The following ANO10 variants were observed in gnomAD, a reference collection of about 807,000 sequenced individuals.
ANO10 encodes the protein anoctamin 10.
A neutral mutation model predicts 74.7 loss-of-function variants in ANO10; 77 were observed. That is an observed-to-expected ratio of 1.03 (90% CI 0.86 to 1.25). The LOEUF (loss-of-function observed/expected upper bound fraction) is 1.25, where lower values mean the gene tolerates loss of function less well. Ranked by LOEUF, ANO10 falls within the 50% of genes most tolerant of loss-of-function variation. The pLI, the probability that ANO10 is intolerant of heterozygous loss-of-function variation, is 0.00. For missense variants in ANO10, 721 were observed against 778.1 expected (o/e 0.93, Z 0.87); for synonymous variants, 279 against 284.9 (o/e 0.98, Z 0.21).
intron 12 of ANO10, among the ~76,000 whole-genome samples, chr3:43,424,113 T>C (rs1021677399): frequency 2.0e-5 from 3 of 152,220 alleles, no homozygotes; most frequent in Non-Finnish European, 2.9e-5. Context: ...AGCCTCATTC[T>C]GACTTTGCCC....
intron 7 of ANO10, among the ~76,000 whole-genome samples, chr3:43,570,173 G>A (rs1224577484): frequency 7.4e-6 from 1 of 135,086 alleles, no homozygotes; most frequent in African/African-American, 2.8e-5. Flanking sequence ...ACTGCTCAAG[G>A]AAATAAAAGA....
At chr3:43,574,973 C>T (rs770228720) in intron 6 of ANO10, 109 bp from the exon 7 acceptor site, 12 of 839,146 alleles carry the variant, frequency 1.4e-5, no homozygotes, top group Non-Finnish European at 2.4e-5. Flanking sequence ...ACATCAGAGC[C>T]TCAGTCAGTA....
intron 1 of ANO10, among the ~76,000 whole-genome samples, chr3:43,642,772 C>T (rs988719924): frequency 2.0e-5 from 3 of 152,136 alleles, no homozygotes; most frequent in South Asian, 4.1e-4. Context: ...CCCCCTTACA[C>T]ACAAAATATA....
intron 1 of ANO10, among the ~76,000 whole-genome samples, chr3:43,674,631 G>C (rs1384659059): frequency 2.0e-5 from 3 of 152,210 alleles, no homozygotes; most frequent in African/African-American, 7.2e-5. Context: ...CAGTCCCTGA[G>C]ACAAAGTTTA....
Position 43,366,856 on chromosome 3 carries a change from T to A in ANO10, c.*50A>T. On this transcript the variant is annotated 3_prime_UTR_variant, in exon 13 of 13. Transcript: ENST00000292246. Reference sequence around the variant, plus strand: ...ACCCCCCCTGCCACCGTGGCAGGTGTGGCACAGACACAGGCCTCTGCCAAC... The same window carrying A: ...ACCCCCCCTGCCACCGTGGCAGGTGAGGCACAGACACAGGCCTCTGCCAAC... 6.5e-7 allele frequency: 1 copy of A among 1,532,038 alleles called. No homozygotes were observed. The highest frequency in any genetic ancestry group is 8.9e-7 in the Non-Finnish European group (1 of 1,128,452). The allele number at this position is 1,532,038 out of a possible 1,614,324, so 94.9% of individuals were successfully genotyped here.
intron 11 of ANO10, among the ~76,000 whole-genome samples, chr3:43,522,195 A>G (rs749843684): frequency 1.3e-5 from 2 of 152,104 alleles, no homozygotes; most frequent in African/African-American, 2.4e-5. Context: ...TGTTTGGGGT[A>G]ATGAAAAAGT....
At chr3:43,484,394 A>G (rs553245205) in intron 11 of ANO10, among the ~76,000 whole-genome samples, 2 of 152,326 alleles carry the variant, frequency 1.3e-5, no homozygotes, top group East Asian at 3.9e-4. Flanking sequence ...AATCTCCTCT[A>G]GATCCCAGAA....
At chr3:43,459,868 C>A (rs1393369287) in intron 11 of ANO10, among the ~76,000 whole-genome samples, 4 of 152,092 alleles carry the variant, frequency 2.6e-5, no homozygotes, top group Non-Finnish European at 5.9e-5. Context: ...AAAAAACAGG[C>A]ACAGAGAAGT....
chr3:43,434,812 T>C lies in ANO10; in HGVS notation c.1798-2085A>G, dbSNP rs942449960. ...TTGCTGCTGTGGTTTCCATGCGAAC[T>C]GTTCACAAAATTCTCATGAATTGAA... is the stretch of plus-strand genomic sequence containing the variant. On this transcript the variant is annotated intron_variant, in intron 11 of 12. Coordinates refer to ENST00000292246, the MANE Select transcript of ANO10 (RefSeq NM_018075.5). Among the ~76,000 whole-genome samples the C allele has an allele frequency of 2.6e-5, 4 of 152,234 alleles. No individual in the cohort carries two copies. In the South Asian group the frequency reaches 6.2e-4, roughly 24 times the overall value.
At chr3:43,524,098 T>G (rs1345623024) in intron 11 of ANO10, among the ~76,000 whole-genome samples, 1 of 152,056 alleles carries the variant, frequency 6.6e-6, no homozygotes, top group Non-Finnish European at 1.5e-5. Flanking sequence ...GCAGATGAGT[T>G]TAACCAATGA....
chr3:43,386,098 C>T (rs911406293), intron 12 of ANO10, among the ~76,000 whole-genome samples: 1 of 152,176 alleles, frequency 6.6e-6, no homozygotes, highest in Non-Finnish European at 1.5e-5. Flanking sequence ...CTCTCTGACT[C>T]TGGAGTCCAG....
intron 12 of ANO10, among the ~76,000 whole-genome samples, chr3:43,377,627 C>A (rs1160185045): frequency 6.6e-6 from 1 of 152,170 alleles, no homozygotes; most frequent in Non-Finnish European, 1.5e-5. Flanking sequence ...CTAGCCAGCC[C>A]TCATCTTTGA....
chr3:43,608,204 T>C (rs1327660600), intron 1 of ANO10, among the ~76,000 whole-genome samples: 3 of 151,668 alleles, frequency 2.0e-5, no homozygotes, highest in Non-Finnish European at 4.4e-5. Flanking sequence ...AGCAGAAAAA[T>C]AAAGACAAAG....
At chr3:43,427,990 G>A (rs143768110) in intron 12 of ANO10, among the ~76,000 whole-genome samples, 4 of 152,172 alleles carry the variant, frequency 2.6e-5, no homozygotes, top group African/African-American at 9.6e-5. Context: ...AAAGCCTTGA[G>A]TCAGCAAAAG....
At chr3:43,383,418 C>T (rs2092026667) in intron 12 of ANO10, among the ~76,000 whole-genome samples, 3 of 145,618 alleles carry the variant, frequency 2.1e-5, no homozygotes, top group African/African-American at 7.7e-5. Context: ...TGTGCCACTG[C>T]ACTCCAGCCT....
intron 11 of ANO10, among the ~76,000 whole-genome samples, chr3:43,541,805 C>T (rs889731152): frequency 1.3e-5 from 2 of 152,172 alleles, no homozygotes; most frequent in Non-Finnish European, 2.9e-5. Flanking sequence ...AATGGAGCCA[C>T]GTGATTGTCA....
chr3:43,485,106 C>T (rs1451553163), intron 11 of ANO10: 13 of 1,005,162 alleles, frequency 1.3e-5, no homozygotes, highest in South Asian at 4.0e-5. Context: ...TTGCTGGCTG[C>T]GATCACCTCC....
intron 1 of ANO10, among the ~76,000 whole-genome samples, chr3:43,659,132 G>A (rs562056953): frequency 3.3e-5 from 5 of 152,270 alleles, no homozygotes; most frequent in South Asian, 2.1e-4. Context: ...AGCTCCCAGC[G>A]AGATGGGATG....
At chr3:43,484,902 TTA>T (rs2076408389) in intron 11 of ANO10, 2 of 670,820 alleles carry the variant, frequency 3.0e-6, no homozygotes, top group Non-Finnish European at 5.0e-6. Context: ...CATTTACAGT[TTA>T]TGTCTTTTTT....
Sources: allele counts gnomAD v4.1 joint callset (sites outside exome capture counted in the v4.1 genomes callset), GRCh38; gene constraint gnomAD v4.1.1; transcripts MANE v1.5; gene names NCBI Gene and HGNC (gene_info 2026-07-23, HGNC 2026-07-21).